Variants in GREB1L observed in about 807,000 individuals in gnomAD.
GREB1L encodes GREB1 like retinoic acid receptor coactivator.
GREB1L carries 17 observed loss-of-function variants against 200.8 expected under a neutral mutation model. That is an observed-to-expected ratio of 0.08 (90% CI 0.06 to 0.13). The LOEUF is 0.13. Among genes scored for constraint, GREB1L ranks in the 10% least tolerant of loss-of-function variants. The pLI is 1.00. For missense variants in GREB1L, 1,657 were observed against 2,367.7 expected, an observed-to-expected ratio of 0.70 and a Z score of 6.23; for synonymous variants, 789 against 893.0, an observed-to-expected ratio of 0.88 and a Z score of 2.08.
chr18:21,276,500 A>C (rs1202796178), intron 1 of GREB1L, among the ~76,000 whole-genome samples: 4 of 152,180 alleles, frequency 2.6e-5, no homozygotes, highest in African/African-American at 9.7e-5. Context: ...AAGGGTGGCC[A>C]GCCTAACCTT....
chr18:21,387,212 T>C (rs1204114489), intron 4 of GREB1L, among the ~76,000 whole-genome samples: 4 of 152,198 alleles, frequency 2.6e-5, no homozygotes, highest in Non-Finnish European at 5.9e-5. Flanking sequence ...CTAGTTTGTG[T>C]TTATAGCTGG....
intron 7 of GREB1L, among the ~76,000 whole-genome samples, chr18:21,431,709 G>A (rs1401837075): frequency 6.6e-6 from 1 of 151,842 alleles, no homozygotes; most frequent in East Asian, 1.9e-4. Context: ...TTGAAAGTGG[G>A]GTATTGAAGT....
At chr18:21,383,003 T>C (rs1195262335) in intron 2 of GREB1L, among the ~76,000 whole-genome samples, 1 of 151,952 alleles carries the variant, frequency 6.6e-6, no homozygotes, top group Non-Finnish European at 1.5e-5. Context: ...TCGTCTTGCT[T>C]TCAGAAATTT....
intron 2 of GREB1L, among the ~76,000 whole-genome samples, chr18:21,376,101 C>G (rs2040058777): frequency 6.6e-6 from 1 of 152,006 alleles, no homozygotes; most frequent in African/African-American, 2.4e-5. Flanking sequence ...ATTTCTCTCT[C>G]TCTCTCTCTG....
intron 13 of GREB1L, chr18:21,451,373 A>G: frequency 2.5e-6 from 1 of 406,560 alleles, no homozygotes. Context: ...CAGCTCAGCC[A>G]CAACCTTGTT....
At chr18:21,502,749 G>C (rs1027294054) in intron 23 of GREB1L, among the ~76,000 whole-genome samples, 6 of 152,160 alleles carry the variant, frequency 3.9e-5, no homozygotes, top group African/African-American at 1.4e-4. Flanking sequence ...GAAGGGCAAA[G>C]CCAGAGCCAA....
intron 1 of GREB1L, among the ~76,000 whole-genome samples, chr18:21,351,134 A>G (rs976423760): frequency 2.0e-5 from 3 of 152,180 alleles, no homozygotes; most frequent in African/African-American, 4.8e-5. Context: ...ATTTATTCAA[A>G]TAGGTTTTTT....
chr18:21,292,708 T>G (rs184824286), intron 1 of GREB1L, among the ~76,000 whole-genome samples: 1 of 152,350 alleles, frequency 6.6e-6, no homozygotes, highest in East Asian at 1.9e-4. Context: ...AAGGCTGAAT[T>G]GAGAAATGCA....
At chr18:21,255,433 C>T (rs2037786183) in intron 1 of GREB1L, among the ~76,000 whole-genome samples, 1 of 152,200 alleles carries the variant, frequency 6.6e-6, no homozygotes, top group South Asian at 2.1e-4. Flanking sequence ...ACAGGAAGTT[C>T]TGACGGAAAG....
At chr18:21,475,602 C>T (rs1194465536) in intron 16 of GREB1L, among the ~76,000 whole-genome samples, 34 of 151,998 alleles carry the variant, frequency 2.2e-4, no homozygotes. Context: ...GTGATCCACC[C>T]ACCTTGGACT....
intron 1 of GREB1L, among the ~76,000 whole-genome samples, chr18:21,312,347 TG>T (rs1448484758): frequency 6.6e-6 from 1 of 152,174 alleles, no homozygotes; most frequent in African/African-American, 2.4e-5. Context: ...TTCCCAGTAA[TG>T]AAATTGCTGG....
intron 17 of GREB1L, 136 bp downstream of exon 17, chr18:21,477,492 A>G (rs1313894509): frequency 1.4e-6 from 1 of 714,196 alleles, no homozygotes; most frequent in African/African-American, 1.8e-5. Flanking sequence ...TTTATGTAAG[A>G]GTTCAAAAAT....
chr18:21,403,990 G>T lies in GREB1L; in HGVS notation c.828G>T (p.Gln276His). The change falls in exon 7 of 33, where the codon CAG (glutamine) becomes CAT (histidine). Residue 276 changes from glutamine to histidine, a missense_variant. Around this residue, in one of 9 missense-constraint regions of GREB1L, gnomAD observed 289 missense variants for 345.1 expected, o/e 0.84. Transcript: ENST00000424526. Reference sequence around the variant, plus strand: ...ATGGATACAAATCAGGATTCACTCAGACAGGTATGGGATATTTTCTTTTGG... The same window carrying T: ...ATGGATACAAATCAGGATTCACTCATACAGGTATGGGATATTTTCTTTTGG... ...TTNGYKSGFT[Q>H]TDAANGNSSH... 1 of 1,551,344 alleles carries T rather than the reference G, an allele frequency of 6.4e-7. No homozygotes were observed. The highest frequency in any genetic ancestry group is 1.2e-5 in the South Asian group (1 of 84,008).
At chr18:21,373,390 A>G (rs1005853144) in intron 2 of GREB1L, among the ~76,000 whole-genome samples, 8 of 151,948 alleles carry the variant, frequency 5.3e-5, no homozygotes, top group Admixed American at 2.6e-4. Context: ...CTGGAGTGCA[A>G]TGGTGCTATC....
chr18:21,287,754 C>T (rs773381950), intron 1 of GREB1L, among the ~76,000 whole-genome samples: 1 of 151,004 alleles, frequency 6.6e-6, no homozygotes, highest in South Asian at 2.1e-4. Flanking sequence ...AGAATATCAA[C>T]ATTAACTTAA....
At chr18:21,464,140 G>T (rs1460342233) in intron 15 of GREB1L, among the ~76,000 whole-genome samples, 1 of 152,140 alleles carries the variant, frequency 6.6e-6, no homozygotes, top group Non-Finnish European at 1.5e-5. Context: ...GTTAATAAAT[G>T]CAGGAAAAAT....
chr18:21,416,745 G>T (rs1302013290), intron 7 of GREB1L, among the ~76,000 whole-genome samples: 1 of 151,492 alleles, frequency 6.6e-6, no homozygotes, highest in Non-Finnish European at 1.5e-5. Flanking sequence ...ATTGCTCAAG[G>T]CTGGGCACAG....
intron 1 of GREB1L, among the ~76,000 whole-genome samples, chr18:21,273,991 T>C (rs973821481): frequency 2.0e-5 from 3 of 152,222 alleles, no homozygotes; most frequent in African/African-American, 7.2e-5. Flanking sequence ...TAGAATAAGA[T>C]ATGTAAATAC....
intron 7 of GREB1L, among the ~76,000 whole-genome samples, chr18:21,430,218 G>A (rs1167172988): frequency 6.6e-6 from 1 of 152,010 alleles, no homozygotes; most frequent in Non-Finnish European, 1.5e-5. Context: ...ATTGCGGGGA[G>A]ACAATTCAGT....
Sources: allele counts gnomAD v4.1 joint callset (sites outside exome capture counted in the v4.1 genomes callset), GRCh38; gene constraint gnomAD v4.1.1; regional missense constraint gnomAD v4.1.1; transcripts MANE v1.5; gene names NCBI Gene and HGNC (gene_info 2026-07-23, HGNC 2026-07-21).